CCNT2: variants seen among roughly 807,000 people sequenced by gnomAD.
The protein encoded by CCNT2 is cyclin-T2.
A neutral mutation model predicts 70.0 loss-of-function variants in CCNT2; 18 were observed. The observed-to-expected ratio is 0.26, with a 90% confidence interval of 0.18 to 0.38. The LOEUF (loss-of-function observed/expected upper bound fraction) is 0.38. Among genes scored for constraint, CCNT2 ranks in the 10% least tolerant of loss-of-function variants. The probability of loss-of-function intolerance (pLI) is 1.00; values close to 1 mark genes in which losing one functional copy is unlikely to be tolerated. For missense variants in CCNT2, 734 were observed against 890.2 expected (o/e 0.82, Z 2.23); for synonymous variants, 334 against 313.3 (o/e 1.07, Z -0.70).
At chr2:134,952,122 G>A (rs1682554257) in intron 7 of CCNT2, among the ~76,000 whole-genome samples, 1 of 152,154 alleles carries the variant, frequency 6.6e-6, no homozygotes, top group Non-Finnish European at 1.5e-5. Context: ...ATGTTGATAC[G>A]TCTTATAACT....
At chr2:134,936,424 G>C (rs572719151) in intron 2 of CCNT2, among the ~76,000 whole-genome samples, 54 of 152,018 alleles carry the variant, frequency 3.6e-4, no homozygotes, top group African/African-American at 1.3e-3. Flanking sequence ...TATTAATATT[G>C]CATTCCTTCC....
At chr2:134,921,236 C>T (rs547004306) in intron 2 of CCNT2, among the ~76,000 whole-genome samples, 4 of 152,210 alleles carry the variant, frequency 2.6e-5, no homozygotes, top group South Asian at 4.1e-4. Context: ...AATTACAAAT[C>T]AAAATAGTTC....
rs1315180240 is a variant in CCNT2 at position 134,954,498 on chromosome 2, C to G, written c.2043C>G (p.Leu681=). The change falls in exon 9 of 9, where the codon CTC becomes CTG. Residue 681 remains leucine (L), a synonymous_variant. Transcript: ENST00000264157. ...PVTYQVGYGH[L]STLVKLDKKP... ...CATACCAGGTGGGCTACGGACATCT[C>G]AGCACCCTCGTGAAACTGGACAAGA... 1.9e-6 allele frequency: 3 copies of G among 1,614,214 alleles called. No individual in the cohort carries two copies. The highest frequency in any genetic ancestry group is 4.5e-5 in the East Asian group (2 of 44,886).
chr2:134,954,381 T>A lies in CCNT2; in HGVS notation c.1926T>A (p.Gly642=). ...TGAGCAAAAGTTCCAAAAGTTCAGG[T>A]AGTTCATCTAGTTCTTCCTCCTCTG... ...SKMSKSSKSS[G]SSSSSSSSVK... is the part of the protein sequence containing the mutation. Residue 642 remains glycine (G), a synonymous_variant, in exon 9 of 9, where the codon GGT becomes GGA. Coordinates refer to ENST00000264157, the MANE Select transcript of CCNT2 (RefSeq NM_058241.3). 1 of 1,614,124 alleles carries A rather than the reference T, an allele frequency of 6.2e-7. No individual in the cohort carries two copies. The highest frequency in any genetic ancestry group is 8.5e-7 in the Non-Finnish European group (1 of 1,179,984).
intron 2 of CCNT2, among the ~76,000 whole-genome samples, chr2:134,924,033 A>G (rs950982194): frequency 1.3e-5 from 2 of 152,202 alleles, no homozygotes; most frequent in Non-Finnish European, 2.9e-5. Context: ...GCATTTATGC[A>G]TTGTGTATCA....
In CCNT2 at chr2:134,957,864, G is replaced by A. The variant is rs767885381; in HGVS notation, c.*3216G>A. 29 of 149,096 alleles carry A rather than the reference G, an allele frequency of 1.9e-4. No homozygotes were observed. Among genetic ancestry groups the A allele is most frequent in the African/African-American group, 7.2e-4 (29 of 40,214 alleles). The allele number at this position is 149,096 out of a possible 1,614,324, so 9.2% of individuals were successfully genotyped here. On this transcript the variant is annotated 3_prime_UTR_variant, in exon 9 of 9. Coordinates refer to ENST00000264157, the MANE Select transcript of CCNT2 (RefSeq NM_058241.3). ...TTTCTTGAATGTCATGAGTGGCTGC[G>A]TATATTGCTTTGTAGCAACAGATTG...
chr2:134,931,982 G>T (rs9808510), intron 2 of CCNT2, among the ~76,000 whole-genome samples: 8,910 of 151,784 alleles, frequency 0.059, 414 homozygotes, highest in African/African-American at 0.13. Flanking sequence ...TTATAAGTTG[G>T]TTTTTTTCAT....
chr2:134,936,764 A>AT, intron 2 of CCNT2, 77 bp from the exon 3 acceptor site: 6 of 1,386,050 alleles, frequency 4.3e-6, no homozygotes, highest in Non-Finnish European at 5.9e-6. Flanking sequence ...CAAAAAAAAA[A>AT]CAGAAAAGAA....
intron 5 of CCNT2, chr2:134,944,502 A>G (rs1681806358): frequency 2.1e-6 from 2 of 963,978 alleles, no homozygotes; most frequent in Admixed American, 1.2e-4. Context: ...TAAAAATTCT[A>G]GAGACATGAA....
At chr2:134,927,262 A>G (rs537047331) in intron 2 of CCNT2, among the ~76,000 whole-genome samples, 6 of 152,236 alleles carry the variant, frequency 3.9e-5, no homozygotes, top group South Asian at 2.1e-4. Flanking sequence ...GTGACTCTGT[A>G]TTATTATAGA....
chr2:134,920,006 A>G (rs896556772), intron 2 of CCNT2, 115 bp downstream of exon 2: 4 of 630,192 alleles, frequency 6.3e-6, no homozygotes, highest in African/African-American at 3.8e-5. Context: ...CGGTAAACGT[A>G]TATCACGTGA....
rs1488422174 is a variant in CCNT2, at chr2:134,958,043, A to G, written c.*3395A>G. 3 of 152,190 alleles carry G rather than the reference A, an allele frequency of 2.0e-5. No homozygotes were observed. Among genetic ancestry groups the G allele is most frequent in the African/African-American group, 7.2e-5 (3 of 41,446 alleles). 9.4% of individuals were successfully genotyped at this position (152,190 alleles called of 1,614,324 possible). On this transcript the variant is annotated 3_prime_UTR_variant, in exon 9 of 9. Coordinates refer to ENST00000264157, the MANE Select transcript of CCNT2 (RefSeq NM_058241.3). ...AGGTTTCAAGCACATTTTCTTTTCTATTTGAGAACTTAAATTGCTGACTTG... is the reference window on the plus strand; with the variant it reads ...AGGTTTCAAGCACATTTTCTTTTCTGTTTGAGAACTTAAATTGCTGACTTG...
At chr2:134,919,343 C>T (rs938597027) in intron 1 of CCNT2, among the ~76,000 whole-genome samples, 4 of 152,130 alleles carry the variant, frequency 2.6e-5, no homozygotes, top group Non-Finnish European at 5.9e-5. Flanking sequence ...TGGACTTGTC[C>T]CTGACCCCGA....
intron 2 of CCNT2, among the ~76,000 whole-genome samples, chr2:134,923,672 A>C (rs890972385): frequency 7.9e-5 from 12 of 152,252 alleles, no homozygotes; most frequent in African/African-American, 2.4e-4. Flanking sequence ...AATTTTATTA[A>C]GATCTCACTA....
intron 2 of CCNT2, among the ~76,000 whole-genome samples, chr2:134,925,558 G>T (rs917940364): frequency 1.3e-5 from 2 of 152,002 alleles, no homozygotes; most frequent in African/African-American, 4.8e-5. Context: ...CACTTACCGT[G>T]TTTTCAAGGC....
chr2:134,944,969 C>T (rs944027783), intron 5 of CCNT2: 1 of 985,072 alleles, frequency 1.0e-6, no homozygotes, highest in Non-Finnish European at 1.2e-6. Context: ...CTTTTTCTCC[C>T]CTCTGGAGAT....
At chr2:134,939,645 T>C (rs1289931163) in intron 4 of CCNT2, among the ~76,000 whole-genome samples, 1 of 152,046 alleles carries the variant, frequency 6.6e-6, no homozygotes, top group Non-Finnish European at 1.5e-5. Context: ...TTTTGTAATT[T>C]AGTAGAGACG....
At chr2:134,952,900 T>A (rs943333059) in intron 8 of CCNT2, 189 bp downstream of exon 8, 7 of 502,086 alleles carry the variant, frequency 1.4e-5, no homozygotes, top group Non-Finnish European at 2.5e-5. Flanking sequence ...CATTATACTT[T>A]TAAAAAATTT....
intron 2 of CCNT2, among the ~76,000 whole-genome samples, chr2:134,920,990 C>T (rs1199756279): frequency 6.6e-6 from 1 of 152,118 alleles, no homozygotes; most frequent in African/African-American, 2.4e-5. Flanking sequence ...TTGAAGACTT[C>T]TTCTATTTCT....
Sources: gnomAD v4.1 joint callset for allele counts (sites outside exome capture counted in the v4.1 genomes callset) on GRCh38, gnomAD v4.1.1 for gene constraint, MANE v1.5 for transcripts, NCBI Gene and HGNC (gene_info 2026-07-23, HGNC 2026-07-21) for gene names.